Variants in UBE2W observed in about 807,000 individuals in gnomAD.
UBE2W encodes ubiquitin conjugating enzyme E2 W.
A neutral mutation model predicts 27.2 loss-of-function variants in UBE2W; 18 were observed. The ratio of observed to expected loss-of-function variants is 0.66; its 90% CI spans 0.46 to 0.98. The LOEUF (loss-of-function observed/expected upper bound fraction) is 0.98, where lower values mean the gene tolerates loss of function less well. Among genes scored for constraint, UBE2W ranks in the 50% least tolerant of loss-of-function variants. The pLI, the probability that UBE2W is intolerant of heterozygous loss-of-function variation, is 0.00. For synonymous variants in UBE2W, 53 were observed against 57.2 expected, an observed-to-expected ratio of 0.93 and a Z score of 0.33; for missense variants, 90 against 180.2, an observed-to-expected ratio of 0.50 and a Z score of 2.87.
chr8:73,807,474 CTTA>C (rs1040879735), intron 4 of UBE2W, among the ~76,000 whole-genome samples: 43 of 152,254 alleles, frequency 2.8e-4, no homozygotes, highest in Admixed American at 2.6e-3. Context: ...TCACAATGCT[CTTA>C]TGTGTTAATA....
chr8:73,849,175 T>C (rs1810955757), intron 1 of UBE2W, among the ~76,000 whole-genome samples: 1 of 152,030 alleles, frequency 6.6e-6, no homozygotes, highest in Non-Finnish European at 1.5e-5. Context: ...CAATAAAAAA[T>C]AACAGTAAAA....
In UBE2W at chr8:73,786,274, A is replaced by G. The variant is rs1054957555; in HGVS notation, c.*7828T>C. On this transcript the variant is annotated 3_prime_UTR_variant, in exon 6 of 6. Transcript: ENST00000602593. ...AGTTTTCTCAAACTCTCTGGGATAGAAAGAGCAGGGTCCTGTTATACATTT... is the reference window on the plus strand; with the variant it reads ...AGTTTTCTCAAACTCTCTGGGATAGGAAGAGCAGGGTCCTGTTATACATTT... 12 of 985,460 alleles carry G rather than the reference A, an allele frequency of 1.2e-5. No homozygotes were observed. The highest frequency in any genetic ancestry group is 1.4e-5 in the Non-Finnish European group (12 of 829,928). The allele number at this position is 985,460 out of a possible 1,614,324, so 61.0% of individuals were successfully genotyped here. A position where few individuals can be genotyped will look rare whatever the true frequency, so the allele number is the denominator to read the frequency against.
rs1329550999 is a variant in UBE2W at position 73,791,943 on chromosome 8, GC to G, written c.*2158del. ...ATATGACCTATTACTCTATAGTATA[GC>G]ATTGTTAATCTTTGACTCAGTATAT... On this transcript the variant is annotated 3_prime_UTR_variant, in exon 6 of 6. Transcript: ENST00000602593. 1 of 985,072 alleles carries G rather than the reference GC, an allele frequency of 1.0e-6. No individual in the cohort carries two copies. Among genetic ancestry groups the G allele is most frequent in the Non-Finnish European group, 1.2e-6 (1 of 829,704 alleles). 61.0% of individuals were successfully genotyped at this position (985,072 alleles called of 1,614,324 possible). A position where few individuals can be genotyped will look rare whatever the true frequency, so the allele number is the denominator to read the frequency against.
intron 1 of UBE2W, among the ~76,000 whole-genome samples, chr8:73,848,047 C>CTA (rs1241720514): frequency 1.3e-5 from 2 of 150,674 alleles, no homozygotes; most frequent in Non-Finnish European, 1.5e-5. Flanking sequence ...ACTAAAAATA[C>CTA]ACAATTAGCT....
At chr8:73,838,709 G>A (rs975043645) in intron 1 of UBE2W, among the ~76,000 whole-genome samples, 38 of 152,294 alleles carry the variant, frequency 2.5e-4, no homozygotes, top group African/African-American at 7.9e-4. Flanking sequence ...GTAAATTTAA[G>A]TTAACATCAA....
In UBE2W at chr8:73,788,955, T is replaced by C. The variant is rs991320161; in HGVS notation, c.*5147A>G. ...ACTCAAAATACCCTCAGATATTTTA[T>C]TAACAAAAAATTTTTCATAAAAAAA... is the stretch of plus-strand genomic sequence containing the variant. On this transcript the variant is annotated 3_prime_UTR_variant, in exon 6 of 6. Coordinates refer to ENST00000602593, the MANE Select transcript of UBE2W (RefSeq NM_018299.6). 3 of 983,454 alleles carry C rather than the reference T, an allele frequency of 3.1e-6. No homozygotes were observed. The highest frequency in any genetic ancestry group is 6.2e-5 in the Admixed American group (1 of 16,246). The allele number at this position is 983,454 out of a possible 1,614,324, so 60.9% of individuals were successfully genotyped here. A position where few individuals can be genotyped will look rare whatever the true frequency, so the allele number is the denominator to read the frequency against.
intron 1 of UBE2W, among the ~76,000 whole-genome samples, chr8:73,852,525 A>G (rs1453346693): frequency 6.6e-6 from 1 of 152,182 alleles, no homozygotes; most frequent in African/African-American, 2.4e-5. Flanking sequence ...AGTAATTAGC[A>G]CTAAGCCTGA....
chr8:73,858,255 G>A (rs1424601938), intron 1 of UBE2W, among the ~76,000 whole-genome samples: 1 of 151,362 alleles, frequency 6.6e-6, no homozygotes, highest in East Asian at 1.9e-4. Context: ...CAGCTACTTA[G>A]GAGGCTGAGG....
chr8:73,803,085 C>T (rs1808715681), intron 5 of UBE2W, among the ~76,000 whole-genome samples: 1 of 150,188 alleles, frequency 6.7e-6, no homozygotes, highest in Non-Finnish European at 1.5e-5. Context: ...GGCATGGTGG[C>T]GCGCCTGTAA....
chr8:73,850,735 A>AC (rs1384686663), intron 1 of UBE2W, among the ~76,000 whole-genome samples: 1 of 150,466 alleles, frequency 6.6e-6, no homozygotes, highest in Non-Finnish European at 1.5e-5. Context: ...TAAAAAAAAA[A>AC]AAAAAAAAAA....
chr8:73,813,126 ATCT>A (rs748438177), intron 3 of UBE2W, among the ~76,000 whole-genome samples: 11 of 147,038 alleles, frequency 7.5e-5, no homozygotes, highest in Non-Finnish European at 1.4e-4. Context: ...CTGCCAAATT[ATCT>A]TCTTTGGCAA....
intron 5 of UBE2W, among the ~76,000 whole-genome samples, chr8:73,799,039 C>T (rs1808534002): frequency 6.6e-6 from 1 of 151,980 alleles, no homozygotes; most frequent in African/African-American, 2.4e-5. Flanking sequence ...CATTTCAAAG[C>T]AGGTATGACT....
chr8:73,871,088 G>C (rs1811992563), intron 1 of UBE2W, among the ~76,000 whole-genome samples: 1 of 152,188 alleles, frequency 6.6e-6, no homozygotes, highest in South Asian at 2.1e-4. Context: ...AATCTAAAGA[G>C]ATAAGTAAAC....
intron 1 of UBE2W, among the ~76,000 whole-genome samples, chr8:73,876,696 CG>C (rs1393022249): frequency 6.6e-6 from 1 of 152,178 alleles, no homozygotes. Flanking sequence ...AGGCCAGGCA[CG>C]GTGGCTCACA....
chr8:73,781,013 T>C (rs1586423008), intron 4 of UBE2W, among the ~76,000 whole-genome samples: 1 of 151,888 alleles, frequency 6.6e-6, no homozygotes, highest in East Asian at 1.9e-4. Context: ...CTCACGCCTG[T>C]AATCCCAGCC....
At chr8:73,873,509 T>A (rs765223955) in intron 1 of UBE2W, among the ~76,000 whole-genome samples, 1 of 151,960 alleles carries the variant, frequency 6.6e-6, no homozygotes, top group Non-Finnish European at 1.5e-5. Flanking sequence ...AATAAAAAAA[T>A]TAGCCAGGCA....
At chr8:73,813,840 C>T (rs1352736672) in intron 3 of UBE2W, among the ~76,000 whole-genome samples, 3 of 151,892 alleles carry the variant, frequency 2.0e-5, no homozygotes, top group Non-Finnish European at 4.4e-5. Context: ...GCAATCCCCG[C>T]CTCCCAGGTT....
chr8:73,817,290 T>A (rs1479050547), intron 3 of UBE2W, among the ~76,000 whole-genome samples: 4 of 152,132 alleles, frequency 2.6e-5, no homozygotes. Context: ...ATCATGCCAC[T>A]GCACTACAGC....
chr8:73,806,933 T>A (rs555957932), intron 4 of UBE2W, among the ~76,000 whole-genome samples: 7 of 152,164 alleles, frequency 4.6e-5, no homozygotes, highest in Non-Finnish European at 1.0e-4. Flanking sequence ...ACTAGAACAA[T>A]ATATGAGAAA....
Sources: allele counts gnomAD v4.1 joint callset (sites outside exome capture counted in the v4.1 genomes callset), GRCh38; gene constraint gnomAD v4.1.1; transcripts MANE v1.5; gene names NCBI Gene and HGNC (gene_info 2026-07-23, HGNC 2026-07-21).